NRG1: variants seen among roughly 807,000 people sequenced by gnomAD.
NRG1 encodes the protein pro-neuregulin-1, membrane-bound isoform.
NRG1 carries 18 observed loss-of-function variants against 63.8 expected under a neutral mutation model. That is an observed-to-expected ratio of 0.28 (90% CI 0.19 to 0.42). The LOEUF (loss-of-function observed/expected upper bound fraction) is 0.42, where lower values mean the gene tolerates loss of function less well. NRG1 is among the 10% of genes least tolerant of loss of function. The probability of loss-of-function intolerance (pLI) is 1.00; values close to 1 mark genes in which losing one functional copy is unlikely to be tolerated. For synonymous variants in NRG1, 302 were observed against 301.3 expected (o/e 1.00, Z -0.02); for missense variants, 762 against 814.7 (o/e 0.94, Z 0.79).
chr8:32,430,937 A>G (rs758967072), intron 1 of NRG1, among the ~76,000 whole-genome samples: 2 of 152,198 alleles, frequency 1.3e-5, no homozygotes, highest in Non-Finnish European at 2.9e-5. Flanking sequence ...GTTCCCTGAC[A>G]TCCAGTAGCT....
intron 1 of NRG1, among the ~76,000 whole-genome samples, chr8:32,437,427 A>G (rs569246844): frequency 6.6e-6 from 1 of 152,314 alleles, no homozygotes; most frequent in South Asian, 2.1e-4. Context: ...TCCTTGACAG[A>G]AAGGATAGGT....
At chr8:32,341,612 C>T (rs1685102) in intron 1 of NRG1, among the ~76,000 whole-genome samples, 101,679 of 151,806 alleles carry the variant, frequency 0.67, 34,368 homozygotes, top group East Asian at 0.9. Flanking sequence ...GTTGCCCAGG[C>T]CACATAGGCA....
At chr8:31,653,967 T>TC (rs397791647) in intron 1 of NRG1, among the ~76,000 whole-genome samples, 1 of 151,712 alleles carries the variant, frequency 6.6e-6, no homozygotes, top group Non-Finnish European at 1.5e-5. Context: ...TTTTTTTTTT[T>TC]CATAGTAGGA....
chr8:31,681,894 A>G (rs1359465221), intron 1 of NRG1, among the ~76,000 whole-genome samples: 2 of 152,094 alleles, frequency 1.3e-5, no homozygotes, highest in African/African-American at 2.4e-5. Context: ...CCTTTTCACT[A>G]TCGACATCCC....
At chr8:32,267,796 C>G (rs1586516764) in intron 1 of NRG1, among the ~76,000 whole-genome samples, 1 of 152,132 alleles carries the variant, frequency 6.6e-6, no homozygotes, top group East Asian at 1.9e-4. Context: ...TATGTTATAC[C>G]TGTATTTATG....
At chr8:31,892,626 C>T (rs1027800483) in intron 1 of NRG1, among the ~76,000 whole-genome samples, 5 of 152,056 alleles carry the variant, frequency 3.3e-5, no homozygotes, top group African/African-American at 1.2e-4. Context: ...AAATGTTCTT[C>T]CTTTTATCTC....
intron 5 of NRG1, among the ~76,000 whole-genome samples, chr8:32,701,876 C>G (rs1436010443): frequency 6.6e-6 from 1 of 152,136 alleles, no homozygotes; most frequent in Admixed American, 6.5e-5. Flanking sequence ...TTCCTAAGTA[C>G]ATTTGAAAGT....
chr8:32,507,008 C>T (rs1393600126), intron 1 of NRG1, among the ~76,000 whole-genome samples: 1 of 152,008 alleles, frequency 6.6e-6, no homozygotes, highest in Non-Finnish European at 1.5e-5. Context: ...ATTAGACATC[C>T]ACTTCGTTCC....
At chr8:32,126,410 A>C (rs1237525031) in intron 1 of NRG1, among the ~76,000 whole-genome samples, 1 of 151,912 alleles carries the variant, frequency 6.6e-6, no homozygotes, top group Non-Finnish European at 1.5e-5. Context: ...CAAGGATACA[A>C]TAAAATGAAA....
chr8:32,280,708 T>G lies in NRG1; in HGVS notation c.38-315120T>G, dbSNP rs1172514730. ...TTTTTTTTGTTTTTTTTTTTTTTTT[T>G]TTTTTTCAGATAAACCATGAATCAC... On this transcript the variant is annotated intron_variant, in intron 1 of 10. Coordinates refer to the NRG1 transcript ENST00000519301. 1.4e-5 allele frequency among the ~76,000 whole-genome samples: 2 copies of G among 143,374 alleles called. 1 individual carries two copies. The highest frequency in any genetic ancestry group is 5.1e-5 in the African/African-American group (2 of 39,054). The allele number at this position is 143,374 out of a possible 152,430, so 94.1% of individuals were successfully genotyped here.
intron 1 of NRG1, among the ~76,000 whole-genome samples, chr8:31,721,023 A>G (rs1334639601): frequency 6.6e-6 from 1 of 152,180 alleles, no homozygotes; most frequent in Non-Finnish European, 1.5e-5. Flanking sequence ...AATAAATCAC[A>G]TATGACTAGA....
intron 7 of NRG1, chr8:32,749,242 C>A: frequency 3.0e-6 from 1 of 331,240 alleles, no homozygotes; most frequent in Non-Finnish European, 5.5e-6. Flanking sequence ...TAAAGATAAT[C>A]TTTCCATTCC....
chr8:32,416,607 C>T (rs1815947947), intron 1 of NRG1, among the ~76,000 whole-genome samples: 1 of 152,124 alleles, frequency 6.6e-6, no homozygotes, highest in Admixed American at 6.6e-5. Context: ...TTCAGAAAAT[C>T]TAGGGTTAGG....
At chr8:32,704,892 G>C (rs1815937354) in intron 5 of NRG1, among the ~76,000 whole-genome samples, 1 of 152,174 alleles carries the variant, frequency 6.6e-6, no homozygotes, top group Non-Finnish European at 1.5e-5. Context: ...TTAGTAATCT[G>C]TGGGGACAAA....
At chr8:31,828,964 T>C (rs1824844342) in intron 1 of NRG1, among the ~76,000 whole-genome samples, 1 of 152,200 alleles carries the variant, frequency 6.6e-6, no homozygotes, top group Non-Finnish European at 1.5e-5. Context: ...TCTAATTAAG[T>C]AGCAGATACA....
At chr8:32,262,715 G>A (rs553594646) in intron 1 of NRG1, among the ~76,000 whole-genome samples, 41 of 152,256 alleles carry the variant, frequency 2.7e-4, no homozygotes, top group African/African-American at 9.1e-4. Context: ...AGTGGTTAGA[G>A]GTTCTAACAG....
At chr8:31,908,777 A>G (rs1026550547) in intron 1 of NRG1, among the ~76,000 whole-genome samples, 1 of 152,116 alleles carries the variant, frequency 6.6e-6, no homozygotes, top group Non-Finnish European at 1.5e-5. Flanking sequence ...TTGTGTATTT[A>G]TTTGCTGCTT....
chr8:32,047,959 CAGCTTTTTT>C (rs1408951549), intron 1 of NRG1, among the ~76,000 whole-genome samples: 2 of 152,056 alleles, frequency 1.3e-5, no homozygotes, highest in East Asian at 3.9e-4. Context: ...CCTATGAGAT[CAGCTTTTTT>C]AGATTCTGAG....
chr8:32,424,772 G>A (rs1331566669), intron 1 of NRG1, among the ~76,000 whole-genome samples: 1 of 152,112 alleles, frequency 6.6e-6, no homozygotes, highest in African/African-American at 2.4e-5. Context: ...AAGGTGGGAA[G>A]ATCACTTGAG....
Sources: allele counts gnomAD v4.1 joint callset (sites outside exome capture counted in the v4.1 genomes callset), GRCh38; gene constraint gnomAD v4.1.1; transcripts MANE v1.5; gene names NCBI Gene and HGNC (gene_info 2026-07-23, HGNC 2026-07-21).